Variants in DRC9 observed in about 807,000 individuals in gnomAD.
The protein encoded by DRC9 is dynein regulatory complex protein 9.
At chr3:197,900,398 T>C in the DRC9 span, among the ~76,000 whole-genome samples, 3 of 152,220 alleles carry the variant, frequency 2.0e-5, no homozygotes, top group Non-Finnish European at 2.9e-5. This position sits in a 1 kb window ranked among gnomAD's most constrained non-coding sequence, Gnocchi z 4.7. Context: ...CAGAGGACTT[T>C]GTCTTGCATC....
the DRC9 span, among the ~76,000 whole-genome samples, chr3:197,914,644 TC>T: frequency 9.9e-5 from 15 of 152,062 alleles, no homozygotes; most frequent in African/African-American, 3.4e-4. Context: ...CATATTCCCT[TC>T]CCTCATAGAG....
At chr3:197,904,112 T>A in the DRC9 span, among the ~76,000 whole-genome samples, 138 of 62,204 alleles carry the variant, frequency 2.2e-3, 3 homozygotes, top group African/African-American at 7.5e-3. Flanking sequence ...ATATATATAT[T>A]TTTTTTTTTA....
chr3:197,941,184 C>A, the DRC9 span, among the ~76,000 whole-genome samples: 1 of 144,798 alleles, frequency 6.9e-6, no homozygotes, highest in Non-Finnish European at 1.5e-5. Context: ...CTCTCTCTCC[C>A]CTCTCTCCTC....
the DRC9 span, among the ~76,000 whole-genome samples, chr3:197,937,157 C>T: frequency 1.6e-4 from 24 of 152,106 alleles, no homozygotes; most frequent in Non-Finnish European, 2.9e-4. Context: ...AGTGGTCCTG[C>T]GTAATTGCAG....
chr3:197,927,055 A>G, the DRC9 span, among the ~76,000 whole-genome samples: 14 of 152,230 alleles, frequency 9.2e-5, no homozygotes, highest in Middle Eastern at 3.4e-3. Context: ...CTGTTTCTCA[A>G]TCTACTCTGA....
the DRC9 span, among the ~76,000 whole-genome samples, chr3:197,914,310 C>CT: frequency 6.6e-6 from 1 of 152,346 alleles, no homozygotes; most frequent in East Asian, 1.9e-4. Context: ...TCCCACACAG[C>CT]TTTCTCATTT....
the DRC9 span, chr3:197,950,892 C>T: frequency 6.2e-7 from 1 of 1,602,536 alleles, no homozygotes; most frequent in African/African-American, 1.3e-5. Flanking sequence ...AGGTGGGAAA[C>T]TTGTGTGGCT....
chr3:197,889,422 T>C, the DRC9 span: 13 of 816,428 alleles, frequency 1.6e-5, no homozygotes, highest in African/African-American at 2.0e-4. Context: ...ACAGGCAGAG[T>C]GAAATTAACA....
chr3:197,940,209 T>G, the DRC9 span, among the ~76,000 whole-genome samples: 1 of 151,866 alleles, frequency 6.6e-6, no homozygotes, highest in African/African-American at 2.4e-5. Flanking sequence ...TTGGCCAGGC[T>G]GGTCTCAAAC....
At chr3:197,901,077 T>C in the DRC9 span, among the ~76,000 whole-genome samples, 1 of 152,144 alleles carries the variant, frequency 6.6e-6, no homozygotes, top group East Asian at 1.9e-4. This position sits in a 1 kb window ranked among gnomAD's most constrained non-coding sequence, Gnocchi z 4.4. Flanking sequence ...TCTTACACCC[T>C]AGGTACCACC....
chr3:197,946,544 T>G, the DRC9 span, among the ~76,000 whole-genome samples: 1 of 151,900 alleles, frequency 6.6e-6, no homozygotes, highest in Non-Finnish European at 1.5e-5. Context: ...TCTGCTTAAA[T>G]GAGCTTTACA....
the DRC9 span, among the ~76,000 whole-genome samples, chr3:197,939,306 AAAG>A: frequency 6.6e-6 from 1 of 152,238 alleles, no homozygotes; most frequent in African/African-American, 2.4e-5. Flanking sequence ...ACAAATAAAA[AAAG>A]GAGAATCATA....
the DRC9 span, among the ~76,000 whole-genome samples, chr3:197,896,044 TAA>T: frequency 1.7e-4 from 19 of 112,000 alleles, no homozygotes; most frequent in Non-Finnish European, 2.1e-4. Flanking sequence ...AATGAAAAGT[TAA>T]AAAAAAAAAA....
chr3:197,947,882 G>A, the DRC9 span, among the ~76,000 whole-genome samples: 1 of 150,682 alleles, frequency 6.6e-6, no homozygotes. Context: ...TCTTTCCTAG[G>A]TCCCGGGAGA....
chr3:197,890,214 G>A, the DRC9 span, among the ~76,000 whole-genome samples: 1 of 152,000 alleles, frequency 6.6e-6, no homozygotes, highest in African/African-American at 2.4e-5. Context: ...TGGGCAACAT[G>A]GCAAGACCCT....
At chr3:197,958,048 T>C in the DRC9 span, 10 of 152,228 alleles carry the variant, frequency 6.6e-5, no homozygotes, top group East Asian at 3.8e-4. Flanking sequence ...ACAACGTCAC[T>C]GAAGAACTTG....
At chr3:197,909,225 C>T in the DRC9 span, among the ~76,000 whole-genome samples, 1 of 152,116 alleles carries the variant, frequency 6.6e-6, no homozygotes, top group East Asian at 1.9e-4. Flanking sequence ...GTATTAACAA[C>T]CAATAATAGA....
At chr3:197,909,263 A>G in the DRC9 span, among the ~76,000 whole-genome samples, 53 of 152,358 alleles carry the variant, frequency 3.5e-4, no homozygotes, top group African/African-American at 1.3e-3. Context: ...TCACTACTAC[A>G]ACCAACAAGT....
At chr3:197,949,994 C>G in the DRC9 span, 1 of 621,062 alleles carries the variant, frequency 1.6e-6, no homozygotes, top group Non-Finnish European at 2.3e-6. Flanking sequence ...TCCCTTGTTC[C>G]CAAGTAGTAC....
Sources: gnomAD v4.1 joint callset for allele counts (sites outside exome capture counted in the v4.1 genomes callset) on GRCh38, gnomAD v4.1.1 for gene constraint, Gnocchi (gnomAD v3.1) non-coding constraint, MANE v1.5 for transcripts, NCBI Gene and HGNC (gene_info 2026-07-23, HGNC 2026-07-21) for gene names.